Variants in TRIO observed in about 807,000 individuals in gnomAD.
TRIO encodes triple functional domain protein.
In TRIO, 58 loss-of-function variants were observed where a neutral mutation model predicts 351.9. The ratio of observed to expected loss-of-function variants is 0.16; its 90% CI spans 0.13 to 0.21. The LOEUF (loss-of-function observed/expected upper bound fraction) is 0.21, where lower values mean the gene tolerates loss of function less well. Among genes scored for constraint, TRIO ranks in the 10% least tolerant of loss-of-function variants. The pLI, the probability that TRIO is intolerant of heterozygous loss-of-function variation, is 1.00. For synonymous variants in TRIO, 1,758 were observed against 1,595.7 expected, an observed-to-expected ratio of 1.10 and a Z score of -2.42; for missense variants, 3,201 against 4,027.8, an observed-to-expected ratio of 0.79 and a Z score of 5.56.
At chr5:14,505,940 G>A (rs3789155) in intron 55 of TRIO, among the ~76,000 whole-genome samples, 3 of 152,184 alleles carry the variant, frequency 2.0e-5, no homozygotes, top group Non-Finnish European at 2.9e-5. Context: ...CTCAGTCCCC[G>A]CCCTCCCTCT....
chr5:14,319,494 A>G (rs1367720633), intron 9 of TRIO, among the ~76,000 whole-genome samples: 1 of 152,228 alleles, frequency 6.6e-6, no homozygotes, highest in Non-Finnish European at 1.5e-5. Context: ...GAATAAATGA[A>G]AGAAAAATAG....
chr5:14,344,744 C>G (rs898320346), intron 11 of TRIO, among the ~76,000 whole-genome samples: 7 of 152,182 alleles, frequency 4.6e-5, no homozygotes, highest in African/African-American at 1.7e-4. Context: ...GCTTAATCTT[C>G]CTGTCCTCCT....
chr5:14,473,895 C>T (rs1268718983), intron 39 of TRIO, 99 bp from the exon 40 acceptor site: 6 of 1,136,902 alleles, frequency 5.3e-6, no homozygotes, highest in African/African-American at 4.6e-5. Context: ...CAAGACAGTG[C>T]ATGTGTCCAT....
chr5:14,383,391 A>T (rs1051823926), intron 21 of TRIO, among the ~76,000 whole-genome samples: 1 of 152,172 alleles, frequency 6.6e-6, no homozygotes, highest in African/African-American at 2.4e-5. Flanking sequence ...GGGGCCATGC[A>T]TGGGGGATGT....
intron 9 of TRIO, among the ~76,000 whole-genome samples, chr5:14,329,895 A>G (rs1351248903): frequency 6.6e-6 from 1 of 152,184 alleles, no homozygotes; most frequent in African/African-American, 2.4e-5. Flanking sequence ...TCCTCTGTAT[A>G]TGTGGGCTTC....
intron 1 of TRIO, among the ~76,000 whole-genome samples, chr5:14,218,021 G>T (rs1456124627): frequency 6.6e-6 from 1 of 152,186 alleles, no homozygotes; most frequent in Non-Finnish European, 1.5e-5. Context: ...ATAAATAAAA[G>T]TCTTATTAAT....
intron 48 of TRIO, chr5:14,488,675 C>CT: frequency 1.8e-6 from 1 of 546,136 alleles, no homozygotes; most frequent in Non-Finnish European, 3.3e-6. Context: ...TGGTTTTGCT[C>CT]TTTTATGCCT....
rs868340987 is a variant in TRIO at position 14,340,523 on chromosome 5, A to G, written c.2046+3796A>G. On this transcript the variant is annotated intron_variant, in intron 11 of 56. Transcript: ENST00000344204. ...TCTTCCTTGCTGCCAGGTGTTCCAC[A>G]GTGGCTCTCGTCCTCACTTTATCTG... 5.9e-5 allele frequency among the ~76,000 whole-genome samples: 9 copies of G among 152,176 alleles called. 1 individual carries two copies. Among genetic ancestry groups the G allele is most frequent in the Middle Eastern group, 3.2e-3 (1 of 316 alleles).
intron 1 of TRIO, among the ~76,000 whole-genome samples, chr5:14,208,766 A>G (rs546343376): frequency 6.6e-6 from 1 of 152,348 alleles, no homozygotes; most frequent in Admixed American, 6.5e-5. Flanking sequence ...AAATAAGGCA[A>G]AGGCTGAGCT....
intron 11 of TRIO, among the ~76,000 whole-genome samples, chr5:14,353,931 T>C (rs945657919): frequency 6.6e-6 from 1 of 152,212 alleles, no homozygotes; most frequent in Non-Finnish European, 1.5e-5. Context: ...TTAAGTGTTA[T>C]TTTTGGTAGT....
intron 31 of TRIO, among the ~76,000 whole-genome samples, chr5:14,405,156 T>G (rs1748592783): frequency 6.6e-6 from 1 of 151,258 alleles, no homozygotes; most frequent in Non-Finnish European, 1.5e-5. Context: ...TTGCTGACAA[T>G]CTAGTCTGTG....
intron 9 of TRIO, among the ~76,000 whole-genome samples, chr5:14,318,279 C>CAAAAAAAAAA (rs759632595): frequency 4.3e-5 from 2 of 46,478 alleles, no homozygotes; most frequent in African/African-American, 1.6e-4. Flanking sequence ...GACTCTATCT[C>CAAAAAAAAAA]AAAAAAAAAA....
At chr5:14,447,850 C>T (rs1463689107) in intron 34 of TRIO, among the ~76,000 whole-genome samples, 1 of 152,190 alleles carries the variant, frequency 6.6e-6, no homozygotes, top group Non-Finnish European at 1.5e-5. Flanking sequence ...TGTTTCTTAA[C>T]TGGGTGAGCA....
At chr5:14,474,691 T>C (rs981964658) in intron 40 of TRIO, among the ~76,000 whole-genome samples, 1 of 152,158 alleles carries the variant, frequency 6.6e-6, no homozygotes, top group Non-Finnish European at 1.5e-5. Context: ...AGAGACAGGG[T>C]CTTGCTCTGT....
In TRIO at chr5:14,368,696, C is replaced by G. The variant is rs1473448604; in HGVS notation, c.2875-12C>G. The G allele has an allele frequency of 6.2e-7, 1 of 1,605,768 alleles. No individual in the cohort carries two copies. Among genetic ancestry groups the G allele is most frequent in the Non-Finnish European group, 8.5e-7 (1 of 1,173,594 alleles). On this transcript the variant is annotated splice_polypyrimidine_tract_variant and intron_variant, in intron 16 of 56. Transcript: ENST00000344204. ...TGACAAATAAGCCTTCCCTTTTGTT[C>G]TCTGTCTCTAGAAAACACATCAGAG...
At chr5:14,334,473 T>C (rs1480902985) in intron 10 of TRIO, among the ~76,000 whole-genome samples, 1 of 152,246 alleles carries the variant, frequency 6.6e-6, no homozygotes, top group East Asian at 1.9e-4. Flanking sequence ...CTTTACTTGT[T>C]GGAATAGACG....
chr5:14,427,081 C>T (rs1054116956), intron 34 of TRIO, among the ~76,000 whole-genome samples: 2 of 152,072 alleles, frequency 1.3e-5, no homozygotes, highest in East Asian at 3.9e-4. Flanking sequence ...AACAGGTGAC[C>T]ACTGGGGTAA....
At chr5:14,493,095 AGT>A (rs1403289739) in intron 49 of TRIO, among the ~76,000 whole-genome samples, 1 of 152,100 alleles carries the variant, frequency 6.6e-6, no homozygotes. Flanking sequence ...AACTCAAGAA[AGT>A]GTTGTTTGTT....
intron 53 of TRIO, 140 bp downstream of exon 53, chr5:14,498,780 A>T: frequency 3.0e-6 from 4 of 1,315,946 alleles, no homozygotes; most frequent in Non-Finnish European, 4.2e-6. Flanking sequence ...TTCAAAAGAC[A>T]GTTGTAAGTA....
Sources: gnomAD v4.1 joint callset for allele counts (sites outside exome capture counted in the v4.1 genomes callset) on GRCh38, gnomAD v4.1.1 for gene constraint, MANE v1.5 for transcripts, NCBI Gene and HGNC (gene_info 2026-07-23, HGNC 2026-07-21) for gene names.